ACSS3: variants seen among roughly 807,000 people sequenced by gnomAD.
ACSS3 encodes the protein acyl-CoA synthetase short-chain family member 3, mitochondrial.
A neutral mutation model predicts 84.2 loss-of-function variants in ACSS3; 64 were observed. The observed-to-expected ratio is 0.76, with a 90% CI of 0.62 to 0.94. ACSS3 has a LOEUF of 0.94. Ranked by LOEUF, ACSS3 falls within the 40% of genes least tolerant of loss-of-function variation. The pLI is 0.00. For missense variants in ACSS3, 815 were observed against 867.6 expected (o/e 0.94, Z 0.76); for synonymous variants, 317 against 310.1 (o/e 1.02, Z -0.23).
chr12:81,139,024 C>A, intron 3 of ACSS3, 107 bp from the exon 4 acceptor site: 2 of 1,193,830 alleles, frequency 1.7e-6, no homozygotes, highest in Admixed American at 2.2e-5. Flanking sequence ...CAGAAACATT[C>A]AGACATTTCT....
At chr12:81,238,747 CCT>C (rs1846198546) in intron 13 of ACSS3, among the ~76,000 whole-genome samples, 1 of 150,824 alleles carries the variant, frequency 6.6e-6, no homozygotes, top group Admixed American at 6.6e-5. Flanking sequence ...TTTGTCTCTT[CCT>C]TTTTTTTTCC....
intron 9 of ACSS3, 41 bp downstream of exon 9, chr12:81,199,485 G>T (rs1173883273): frequency 1.9e-6 from 3 of 1,577,034 alleles, no homozygotes; most frequent in Admixed American, 1.7e-5. Flanking sequence ...GTAAAGAAAT[G>T]TTCCAAAAAG....
chr12:81,119,130 G>A (rs1884330958), intron 2 of ACSS3, among the ~76,000 whole-genome samples: 1 of 152,146 alleles, frequency 6.6e-6, no homozygotes, highest in African/African-American at 2.4e-5. Context: ...GGACTGTGAT[G>A]CCCACCTGAG....
intron 1 of ACSS3, among the ~76,000 whole-genome samples, chr12:81,081,198 A>G (rs1159620567): frequency 1.3e-5 from 2 of 152,220 alleles, no homozygotes; most frequent in Admixed American, 6.5e-5. Flanking sequence ...TCACAATGAC[A>G]TAAGCTGTGC....
At chr12:81,170,915 A>G (rs752184593) in intron 7 of ACSS3, among the ~76,000 whole-genome samples, 5 of 152,132 alleles carry the variant, frequency 3.3e-5, no homozygotes, top group Admixed American at 6.6e-5. Context: ...AATAAAATAA[A>G]TAAGCCATTG....
At chr12:81,084,706 GA>G (rs1214578719) in intron 1 of ACSS3, among the ~76,000 whole-genome samples, 1 of 152,096 alleles carries the variant, frequency 6.6e-6, no homozygotes, top group Non-Finnish European at 1.5e-5. Context: ...GACATTCAAA[GA>G]AAGAGGAAAA....
At chr12:81,220,746 G>A (rs2033078749) in intron 11 of ACSS3, among the ~76,000 whole-genome samples, 1 of 151,942 alleles carries the variant, frequency 6.6e-6, no homozygotes, top group Non-Finnish European at 1.5e-5. Context: ...ATTTTACAAT[G>A]GCGAATCAAT....
intron 1 of ACSS3, among the ~76,000 whole-genome samples, chr12:81,104,986 TA>T (rs1199385208): frequency 2.0e-5 from 3 of 152,320 alleles, no homozygotes; most frequent in South Asian, 2.1e-4. Context: ...GAGCGTATGT[TA>T]AATCAGGTTA....
intron 1 of ACSS3, among the ~76,000 whole-genome samples, chr12:81,086,571 G>A (rs866846373): frequency 3.9e-5 from 6 of 152,090 alleles, no homozygotes; most frequent in Non-Finnish European, 1.5e-5. Flanking sequence ...AATTCAATCG[G>A]CTGTGACTGA....
At chr12:81,109,783 C>G (rs572026885) in intron 2 of ACSS3, 79 bp downstream of exon 2, 58 of 1,170,496 alleles carry the variant, frequency 5.0e-5, no homozygotes, top group South Asian at 8.4e-5. Flanking sequence ...CATTGTAGAG[C>G]CTTCAATTCT....
intron 1 of ACSS3, among the ~76,000 whole-genome samples, chr12:81,080,800 A>C (rs1414924966): frequency 6.6e-6 from 1 of 152,234 alleles, no homozygotes; most frequent in Non-Finnish European, 1.5e-5. Context: ...AAATTTTTAA[A>C]GTGAGAGTCA....
intron 2 of ACSS3, among the ~76,000 whole-genome samples, chr12:81,127,531 T>C (rs1885183615): frequency 6.6e-6 from 1 of 152,190 alleles, no homozygotes; most frequent in South Asian, 2.1e-4. Context: ...TATAACTCTT[T>C]CTATGGAAAT....
intron 7 of ACSS3, among the ~76,000 whole-genome samples, chr12:81,173,407 A>C (rs1385869951): frequency 6.6e-6 from 1 of 152,204 alleles, no homozygotes; most frequent in African/African-American, 2.4e-5. Flanking sequence ...TTGGTATTAA[A>C]AGAGCAAAAT....
At chr12:81,154,661 G>A (rs756755542) in intron 7 of ACSS3, among the ~76,000 whole-genome samples, 7 of 151,994 alleles carry the variant, frequency 4.6e-5, no homozygotes, top group African/African-American at 1.4e-4. Flanking sequence ...TCATCTCACC[G>A]TAGTCTGATT....
At chr12:81,091,760 T>C (rs1298139419) in intron 1 of ACSS3, among the ~76,000 whole-genome samples, 1 of 152,126 alleles carries the variant, frequency 6.6e-6, no homozygotes, top group Admixed American at 6.6e-5. Context: ...TAAAAGATGA[T>C]TTTACTCTAA....
intron 1 of ACSS3, among the ~76,000 whole-genome samples, chr12:81,091,492 G>C (rs1038409896): frequency 1.3e-5 from 2 of 151,876 alleles, no homozygotes; most frequent in African/African-American, 4.8e-5. Flanking sequence ...CATATGTCTA[G>C]CATGAGCATC....
chr12:81,113,865 G>A (rs1883809594), intron 2 of ACSS3, among the ~76,000 whole-genome samples: 1 of 152,046 alleles, frequency 6.6e-6, no homozygotes, highest in African/African-American at 2.4e-5. Context: ...TAGAGGACAT[G>A]TATGTTTTTA....
In ACSS3 at chr12:81,107,503, AATATATACATATATATATAT is replaced by A. The variant is rs1172087897; in HGVS notation, c.312-2049_312-2030del. Among the ~76,000 whole-genome samples, 74 of 59,572 alleles carry A rather than the reference AATATATACATATATATATAT, an allele frequency of 1.2e-3. 5 individuals are homozygous for A. Among genetic ancestry groups the A allele is most frequent in the East Asian group, 9.3e-3 (18 of 1,932 alleles). 39.1% of individuals were successfully genotyped at this position (59,572 alleles called of 152,430 possible). ...AGAAATGTTTTTTTTTTCAGGTACAAATATATACATATATATATATATATATATATATATATATATATATA... is the reference window on the plus strand; with the variant it reads ...AGAAATGTTTTTTTTTTCAGGTACAAATATATATATATATATATATATATA... On this transcript the variant is annotated intron_variant, in intron 1 of 15. Coordinates refer to ENST00000548058, the MANE Select transcript of ACSS3 (RefSeq NM_024560.4).
At chr12:81,184,343 A>C (rs1403885466) in intron 8 of ACSS3, among the ~76,000 whole-genome samples, 1 of 151,900 alleles carries the variant, frequency 6.6e-6, no homozygotes, top group African/African-American at 2.4e-5. Context: ...AGAAAGAAGA[A>C]AGACCCCAAA....
Sources: allele counts gnomAD v4.1 joint callset (sites outside exome capture counted in the v4.1 genomes callset), GRCh38; gene constraint gnomAD v4.1.1; transcripts MANE v1.5; gene names NCBI Gene and HGNC (gene_info 2026-07-23, HGNC 2026-07-21).